KIRREL3: variants seen among roughly 807,000 people sequenced by gnomAD.
KIRREL3 encodes the protein kirre like nephrin family adhesion molecule 3.
KIRREL3 carries 36 observed loss-of-function variants against 89.7 expected under a neutral mutation model. The observed-to-expected ratio is 0.40, with a 90% CI of 0.31 to 0.53. The LOEUF is 0.53. Among genes scored for constraint, KIRREL3 ranks in the 20% least tolerant of loss-of-function variants. The probability of loss-of-function intolerance (pLI) is 0.49; values close to 1 mark genes in which losing one functional copy is unlikely to be tolerated. For missense variants in KIRREL3, 864 were observed against 1,056.6 expected (o/e 0.82, Z 2.53); for synonymous variants, 445 against 441.4 (o/e 1.01, Z -0.10).
intron 1 of KIRREL3, among the ~76,000 whole-genome samples, chr11:126,927,588 A>G (rs1947774584): frequency 6.6e-6 from 1 of 152,242 alleles, no homozygotes; most frequent in African/African-American, 2.4e-5. Flanking sequence ...TGCGGACATT[A>G]TGGAAAACTT....
rs942434704 is a variant in KIRREL3 at position 126,516,938 on chromosome 11, G to A, written c.433+4377C>T. Reference sequence around the variant, plus strand: ...CTAAAAATACAAAAATTAGCCAGGCGTGGTGGCACGTGCCTGTAATCCCAG... The same window carrying A: ...CTAAAAATACAAAAATTAGCCAGGCATGGTGGCACGTGCCTGTAATCCCAG... On this transcript the variant is annotated intron_variant, in intron 4 of 16. Coordinates refer to ENST00000525144, the MANE Select transcript of KIRREL3 (RefSeq NM_032531.4). The surrounding 1 kb of genome is among the most constrained non-coding windows in gnomAD (Gnocchi z 4.9). Among the ~76,000 whole-genome samples the A allele has an allele frequency of 2.0e-5, 3 of 152,096 alleles. No homozygotes were observed. Among genetic ancestry groups the A allele is most frequent in the Non-Finnish European group, 2.9e-5 (2 of 68,020 alleles).
intron 1 of KIRREL3, among the ~76,000 whole-genome samples, chr11:126,982,914 G>A (rs925054057): frequency 2.0e-5 from 3 of 152,170 alleles, no homozygotes; most frequent in African/African-American, 7.2e-5. Flanking sequence ...GACTAATAAA[G>A]CCAAAGTAAA....
At position 126,957,805 on chromosome 11, in the gene KIRREL3, C is replaced by G. The variant is rs114153269; in HGVS notation, c.55+42650G>C. On this transcript the variant is annotated intron_variant, in intron 1 of 16. Coordinates refer to ENST00000525144, the MANE Select transcript of KIRREL3 (RefSeq NM_032531.4). ...CGGAGAACCAGATGTCTGGTGTCAA[C>G]AGAACTAGATGTCTGAAGACCTGGG... Among the ~76,000 whole-genome samples, 1,045 of 152,322 alleles carry G rather than the reference C, an allele frequency of 6.9e-3. 14 individuals carry two copies. Among genetic ancestry groups the G allele is most frequent in the African/African-American group, 0.023 (973 of 41,560 alleles).
rs376289561 is a variant in KIRREL3, at chr11:126,937,852, T to C, written c.55+62603A>G. Among the ~76,000 whole-genome samples, 16 of 152,168 alleles carry C rather than the reference T, an allele frequency of 1.1e-4. No homozygotes were observed. In the East Asian group the frequency reaches 2.9e-3, roughly 28 times the overall value. ...AGGCGGAGCTTGCAGTGAGCAGGAATTGCACCACTGCACTCCAGCCTGGGC... is the reference window on the plus strand; with the variant it reads ...AGGCGGAGCTTGCAGTGAGCAGGAACTGCACCACTGCACTCCAGCCTGGGC... On this transcript the variant is annotated intron_variant, in intron 1 of 16. Transcript: ENST00000525144.
chr11:126,930,858 T>C (rs1947920592), intron 1 of KIRREL3, among the ~76,000 whole-genome samples: 1 of 152,222 alleles, frequency 6.6e-6, no homozygotes, highest in South Asian at 2.1e-4. Flanking sequence ...CTTCAGAGTC[T>C]GCAGACATAG....
At position 126,773,228 on chromosome 11, in the gene KIRREL3, G is replaced by A. The variant is rs201490671; in HGVS notation, c.56-210316C>T. On this transcript the variant is annotated intron_variant, in intron 1 of 16. Transcript: ENST00000525144. This position sits in a 1 kb window ranked among gnomAD's most constrained non-coding sequence, Gnocchi z 4.2. ...TGTCAAACATTCTGGATGTTTCTGT[G>A]AAGGTGTTTCAGGATGAGGTTAACA... Among the ~76,000 whole-genome samples, 28 of 152,314 alleles carry A rather than the reference G, an allele frequency of 1.8e-4. No homozygotes were observed. In the East Asian group the frequency reaches 5.4e-3, roughly 29 times the overall value.
At chr11:126,758,992 A>G (rs528752077) in intron 1 of KIRREL3, among the ~76,000 whole-genome samples, 1 of 152,350 alleles carries the variant, frequency 6.6e-6, no homozygotes, top group East Asian at 1.9e-4. Flanking sequence ...CTTTGGGTGC[A>G]TTGGTTGCTG....
rs1044200323 is a variant in KIRREL3 at position 126,686,798 on chromosome 11, C to T, written c.56-123886G>A. ...CTTCGCATGTTGGCCAGGCTGGTCT[C>T]GAACTCCTGACCTCAAGTGATTCAC... On this transcript the variant is annotated intron_variant, in intron 1 of 16. Coordinates refer to ENST00000525144, the MANE Select transcript of KIRREL3 (RefSeq NM_032531.4). This position sits in a 1 kb window ranked among gnomAD's most constrained non-coding sequence, Gnocchi z 4.7. 1.5e-4 allele frequency among the ~76,000 whole-genome samples: 23 copies of T among 152,140 alleles called. No homozygotes were observed. Among genetic ancestry groups the T allele is most frequent in the East Asian group, 5.8e-4 (3 of 5,194 alleles).
intron 1 of KIRREL3, among the ~76,000 whole-genome samples, chr11:126,799,037 T>C (rs373240186): frequency 3.9e-5 from 6 of 151,900 alleles, no homozygotes; most frequent in East Asian, 1.9e-4. Context: ...CGTGTGCATG[T>C]GTGCATCTCT....
At chr11:126,839,408 T>C (rs573386030) in intron 1 of KIRREL3, among the ~76,000 whole-genome samples, 1 of 152,268 alleles carries the variant, frequency 6.6e-6, no homozygotes, top group East Asian at 1.9e-4. Context: ...AAGGTTGGCA[T>C]TAATTAACTG....
chr11:126,699,965 G>A (rs907550384), intron 1 of KIRREL3, among the ~76,000 whole-genome samples: 3 of 152,086 alleles, frequency 2.0e-5, no homozygotes, highest in Non-Finnish European at 4.4e-5. Flanking sequence ...AGGCTGAGGT[G>A]GGAGGATCAG....
At chr11:126,951,410 T>C (rs1894224) in intron 1 of KIRREL3, among the ~76,000 whole-genome samples, 139,770 of 152,176 alleles carry the variant, frequency 0.92, 64,359 homozygotes, top group African/African-American at 0.98. Flanking sequence ...GTTTATTGCC[T>C]GCAGCATCTG....
rs1359751693 is a variant in KIRREL3, at chr11:126,645,172, T to C, written c.56-82260A>G. ...AGGAAAAAGCTGGAGGAAGATAGAG[T>C]GGGACCAGAAAGTGAAGGGATGCAG... On this transcript the variant is annotated intron_variant, in intron 1 of 16. Coordinates refer to ENST00000525144, the MANE Select transcript of KIRREL3 (RefSeq NM_032531.4). The surrounding 1 kb of genome is among the most constrained non-coding windows in gnomAD (Gnocchi z 4.9). Among the ~76,000 whole-genome samples, 1 of 151,958 alleles carries C rather than the reference T, an allele frequency of 6.6e-6. No homozygotes were observed. Among genetic ancestry groups the C allele is most frequent in the Admixed American group, 6.6e-5 (1 of 15,254 alleles).
chr11:126,939,459 G>A (rs1357091916), intron 1 of KIRREL3, among the ~76,000 whole-genome samples: 1 of 152,184 alleles, frequency 6.6e-6, no homozygotes, highest in Non-Finnish European at 1.5e-5. Flanking sequence ...GATTCTGTCA[G>A]GTAGGGTTCT....
At chr11:126,602,524 G>A (rs533875144) in intron 1 of KIRREL3, among the ~76,000 whole-genome samples, 5 of 152,340 alleles carry the variant, frequency 3.3e-5, no homozygotes, top group South Asian at 4.1e-4. Flanking sequence ...GAGAGGCCCA[G>A]AGAGGTCAAG....
At chr11:126,602,854 G>T (rs1276556595) in intron 1 of KIRREL3, among the ~76,000 whole-genome samples, 1 of 152,184 alleles carries the variant, frequency 6.6e-6, no homozygotes, top group East Asian at 1.9e-4. Context: ...GAGCTGCTCT[G>T]GAAAAGTTTA....
chr11:126,705,018 G>A lies in KIRREL3; in HGVS notation c.56-142106C>T, dbSNP rs1428800707. On this transcript the variant is annotated intron_variant, in intron 1 of 16. Transcript: ENST00000525144. The surrounding 1 kb of genome is among the most constrained non-coding windows in gnomAD (Gnocchi z 4.3). ...CTCTTGGGTCAGAACTGTATTTGTG[G>A]GTGGTAAATTTATATCTTACCCACT... is the stretch of plus-strand genomic sequence containing the variant. Among the ~76,000 whole-genome samples, 1 of 152,074 alleles carries A rather than the reference G, an allele frequency of 6.6e-6. No individual in the cohort carries two copies. The highest frequency in any genetic ancestry group is 1.5e-5 in the Non-Finnish European group (1 of 68,004).
Position 126,768,162 on chromosome 11 carries a change from ATCCATCCAATCCATCC to A in KIRREL3, c.56-205266_56-205251del, listed in dbSNP as rs755396227. 1.1e-3 allele frequency among the ~76,000 whole-genome samples: 138 copies of A among 129,906 alleles called. No individual in the cohort carries two copies. Among genetic ancestry groups the A allele is most frequent in the East Asian group, 1.6e-3 (6 of 3,802 alleles). The allele number at this position is 129,906 out of a possible 152,430, so 85.2% of individuals were successfully genotyped here. ...CATCCATCCATCCATCCATCCATCC[ATCCATCCAATCCATCC>A]ATCCATCCATCCATCCATCCATCCA... On this transcript the variant is annotated intron_variant, in intron 1 of 16. Coordinates refer to ENST00000525144, the MANE Select transcript of KIRREL3 (RefSeq NM_032531.4). This position sits in a 1 kb window ranked among gnomAD's most constrained non-coding sequence, Gnocchi z 4.5.
chr11:126,627,073 A>ATG lies in KIRREL3; in HGVS notation c.56-64163_56-64162dup, dbSNP rs1193405847. On this transcript the variant is annotated intron_variant, in intron 1 of 16. Transcript: ENST00000525144. This position sits in a 1 kb window ranked among gnomAD's most constrained non-coding sequence, Gnocchi z 5.0. Reference sequence around the variant, plus strand: ...CTCAAAGGAAGGTGTGTGTGCATGCATGTGTGTGTATGTGTGTGTGAAGGA... The same window carrying ATG: ...CTCAAAGGAAGGTGTGTGTGCATGCATGTGTGTGTGTATGTGTGTGTGAAGGA... 6.6e-6 allele frequency among the ~76,000 whole-genome samples: 1 copy of ATG among 151,954 alleles called. No homozygotes were observed. Among genetic ancestry groups the ATG allele is most frequent in the Non-Finnish European group, 1.5e-5 (1 of 67,984 alleles).
Sources: gnomAD v4.1 joint callset for allele counts (sites outside exome capture counted in the v4.1 genomes callset) on GRCh38, gnomAD v4.1.1 for gene constraint, Gnocchi (gnomAD v3.1) non-coding constraint, MANE v1.5 for transcripts, NCBI Gene and HGNC (gene_info 2026-07-23, HGNC 2026-07-21) for gene names.